STOX1: variants seen among roughly 807,000 people sequenced by gnomAD.
The protein encoded by STOX1 is storkhead-box protein 1.
STOX1 carries 57 observed loss-of-function variants against 74.8 expected under a neutral mutation model. The ratio of observed to expected loss-of-function variants is 0.76; its 90% CI spans 0.62 to 0.95. The LOEUF is 0.95. Among genes scored for constraint, STOX1 ranks in the 40% least tolerant of loss-of-function variants. The pLI is 0.00. For synonymous variants in STOX1, 375 were observed against 401.3 expected, an observed-to-expected ratio of 0.93 and a Z score of 0.78; for missense variants, 1,010 against 1,117.0, an observed-to-expected ratio of 0.90 and a Z score of 1.37.
Position 68,885,747 on chromosome 10 carries a change from C to A in STOX1, c.1951C>A (p.Arg651=). 6.2e-7 allele frequency: 1 copy of A among 1,614,104 alleles called. No individual in the cohort carries two copies. The highest frequency in any genetic ancestry group is 8.5e-7 in the Non-Finnish European group (1 of 1,180,024). ...LPSRGASFSD[R]TPSACRLVDN... is the part of the protein sequence containing the mutation. ...ATCACGAGGTGCCTCCTTTTCAGAC[C>A]GAACACCCTCTGCTTGTAGATTAGT... Residue 651 remains arginine (R), a synonymous_variant, in exon 3 of 4, where the codon CGA becomes AGA. Transcript: ENST00000298596.
chr10:68,844,048 T>C (rs61869916), intron 1 of STOX1, among the ~76,000 whole-genome samples: 102,770 of 151,520 alleles, frequency 0.68, 34,926 homozygotes, highest in Non-Finnish European at 0.71. Flanking sequence ...GGCGTGGTGG[T>C]GGGCGCCTGT....
chr10:68,842,536 CTTTTT>C (rs11332701), intron 1 of STOX1, among the ~76,000 whole-genome samples: 1 of 71,968 alleles, frequency 1.4e-5, no homozygotes, highest in Admixed American at 2.1e-4. Flanking sequence ...TGTACCATTT[CTTTTT>C]TTTTTTTTTT....
intron 1 of STOX1, among the ~76,000 whole-genome samples, chr10:68,858,870 A>G (rs557669590): frequency 6.6e-6 from 1 of 152,186 alleles, no homozygotes; most frequent in South Asian, 2.1e-4. Context: ...TTGGTAACGT[A>G]TATGTATATG....
At chr10:68,859,058 T>C (rs1840196524) in intron 1 of STOX1, among the ~76,000 whole-genome samples, 1 of 152,018 alleles carries the variant, frequency 6.6e-6, no homozygotes, top group Non-Finnish European at 1.5e-5. Flanking sequence ...CCAGGTTCTT[T>C]GGGGACTCAC....
intron 1 of STOX1, among the ~76,000 whole-genome samples, chr10:68,850,901 G>C (rs1245897850): frequency 6.6e-6 from 1 of 152,090 alleles, no homozygotes; most frequent in African/African-American, 2.4e-5. Context: ...GAGCCCGTGA[G>C]ATCAAGGCTG....
intron 1 of STOX1, among the ~76,000 whole-genome samples, chr10:68,829,722 G>A (rs1564566810): frequency 2.0e-5 from 3 of 150,334 alleles, no homozygotes; most frequent in South Asian, 4.2e-4. Context: ...TCCCCACCCC[G>A]CCCCCGTTTT....
chr10:68,890,035 C>T (rs1192790930), intron 3 of STOX1, among the ~76,000 whole-genome samples: 4 of 151,854 alleles, frequency 2.6e-5, no homozygotes, highest in African/African-American at 9.7e-5. Flanking sequence ...GTGATCTGCC[C>T]ACCTTGGCCT....
intron 1 of STOX1, among the ~76,000 whole-genome samples, chr10:68,846,164 T>TTATTATTATTA (rs1564572638): frequency 1.2e-5 from 1 of 84,144 alleles, no homozygotes; most frequent in Non-Finnish European, 2.8e-5. Flanking sequence ...TATTATTATT[T>TTATTATTATTA]GAGACGGAGT....
At chr10:68,856,155 C>T (rs1386251782) in intron 1 of STOX1, among the ~76,000 whole-genome samples, 1 of 152,076 alleles carries the variant, frequency 6.6e-6, no homozygotes, top group Admixed American at 6.6e-5. Context: ...CTCCTTAGTT[C>T]AGCTAAAGAC....
intron 1 of STOX1, among the ~76,000 whole-genome samples, chr10:68,839,246 AG>A (rs1839635009): frequency 6.6e-6 from 1 of 152,156 alleles, no homozygotes; most frequent in Admixed American, 6.6e-5. Context: ...TATTTGAGGC[AG>A]GGTCTTGCTG....
Position 68,827,543 on chromosome 10 carries a change from TC to T in STOX1, c.-79del, listed in dbSNP as rs1839287152. Reference sequence around the variant, plus strand: ...CGCGGACCCGCGCGCAGTCGGCCGATCCTCCCGCCGAGCGAGCGGCGTCGTA... The same window carrying T: ...CGCGGACCCGCGCGCAGTCGGCCGATCTCCCGCCGAGCGAGCGGCGTCGTA... On this transcript the variant is annotated 5_prime_UTR_variant, in exon 1 of 4. Coordinates refer to ENST00000298596, the MANE Select transcript of STOX1 (RefSeq NM_152709.5). The T allele has an allele frequency of 2.1e-6, 2 of 955,922 alleles. No individual in the cohort carries two copies. Among genetic ancestry groups the T allele is most frequent in the Non-Finnish European group, 2.6e-6 (2 of 778,702 alleles). The allele number at this position is 955,922 out of a possible 1,614,324, so 59.2% of individuals were successfully genotyped here. A position where few individuals can be genotyped will look rare whatever the true frequency, so the allele number is the denominator to read the frequency against.
At chr10:68,853,524 G>A (rs10998460) in intron 1 of STOX1, among the ~76,000 whole-genome samples, 22,472 of 152,050 alleles carry the variant, frequency 0.15, 2,251 homozygotes, top group East Asian at 0.27. Flanking sequence ...GCCTGCAAGG[G>A]AGAAATCTGT....
In STOX1 at chr10:68,827,677, G is replaced by A; in HGVS notation, c.54G>A (p.Arg18=). The change falls in exon 1 of 4, where the codon CGG becomes CGA. Residue 18 remains arginine (R), a synonymous_variant. Coordinates refer to ENST00000298596, the MANE Select transcript of STOX1 (RefSeq NM_152709.5). ...GCTCGCTGGCGCTAGTGCTGTGCCGGCTGGAGGCGCAGAAGGCGGCGGGGG... is the reference window on the plus strand; with the variant it reads ...GCTCGCTGGCGCTAGTGCTGTGCCGACTGGAGGCGCAGAAGGCGGCGGGGG... The part of the protein sequence containing the change: ...APGSLALVLC[R]LEAQKAAGAA... The A allele has an allele frequency of 8.9e-7, 1 of 1,118,112 alleles. No homozygotes were observed. The highest frequency in any genetic ancestry group is 1.1e-6 in the Non-Finnish European group (1 of 912,854). 69.3% of individuals were successfully genotyped at this position (1,118,112 alleles called of 1,614,324 possible). A position where few individuals can be genotyped will look rare whatever the true frequency, so the allele number is the denominator to read the frequency against.
intron 1 of STOX1, among the ~76,000 whole-genome samples, chr10:68,862,798 A>G (rs1485087222): frequency 3.9e-5 from 6 of 152,136 alleles, no homozygotes; most frequent in Admixed American, 6.5e-5. Context: ...TAATGATTCC[A>G]TAGGAATCGT....
In STOX1 at chr10:68,885,730, G is replaced by T. The variant is rs537602928; in HGVS notation, c.1934G>T (p.Gly645Val). The change falls in exon 3 of 4, where the codon GGT becomes GTT. Residue 645 changes from glycine (G) to valine (V), a missense_variant. Coordinates refer to ENST00000298596, the MANE Select transcript of STOX1 (RefSeq NM_152709.5). The part of the protein sequence containing the change: ...KQTPHSLPSR[G>V]ASFSDRTPSA... ...ACTCCGCATAGTCTGCCATCACGAG[G>T]TGCCTCCTTTTCAGACCGAACACCC... 5.6e-6 allele frequency: 9 copies of T among 1,614,072 alleles called. No individual in the cohort carries two copies. The Admixed American group carries it at 1.3e-4, about 24-fold the overall frequency.
At chr10:68,887,552 G>T (rs1380702936) in intron 3 of STOX1, among the ~76,000 whole-genome samples, 1 of 148,868 alleles carries the variant, frequency 6.7e-6, no homozygotes. Context: ...AAAGTGTTGG[G>T]ATTACAGGCG....
chr10:68,831,058 C>T (rs77817988), intron 1 of STOX1, among the ~76,000 whole-genome samples: 2,462 of 152,134 alleles, frequency 0.016, 58 homozygotes, highest in African/African-American at 0.057. Context: ...TCCAGGAGGG[C>T]GGGGAAAGAG....
At chr10:68,834,925 T>C (rs189088489) in intron 1 of STOX1, among the ~76,000 whole-genome samples, 11 of 152,264 alleles carry the variant, frequency 7.2e-5, no homozygotes, top group Admixed American at 3.9e-4. Flanking sequence ...GGTTTCTCCA[T>C]GTTGGCCAGG....
At position 68,892,803 on chromosome 10, in the gene STOX1, A is replaced by G; in HGVS notation, c.*67A>G. 3.3e-6 allele frequency: 5 copies of G among 1,509,276 alleles called. No homozygotes were observed. Among genetic ancestry groups the G allele is most frequent in the Admixed American group, 1.7e-5 (1 of 57,244 alleles). The allele number at this position is 1,509,276 out of a possible 1,614,324, so 93.5% of individuals were successfully genotyped here. A position where few individuals can be genotyped will look rare whatever the true frequency, so the allele number is the denominator to read the frequency against. ...AGCATTATTACAGAATCTTTCAATC[A>G]TGTAAGAATTGAGTATATAAGAATT... On this transcript the variant is annotated 3_prime_UTR_variant, in exon 4 of 4. Coordinates refer to ENST00000298596, the MANE Select transcript of STOX1 (RefSeq NM_152709.5).
Sources: gnomAD v4.1 joint callset for allele counts (sites outside exome capture counted in the v4.1 genomes callset) on GRCh38, gnomAD v4.1.1 for gene constraint, MANE v1.5 for transcripts, NCBI Gene and HGNC (gene_info 2026-07-23, HGNC 2026-07-21) for gene names.